Variants in NUDCD3 observed in about 807,000 individuals in gnomAD.
The protein encoded by NUDCD3 is NudC domain containing 3.
Under a neutral mutation model 39.7 loss-of-function variants are expected in NUDCD3, and 13 were observed. The observed-to-expected ratio is 0.33, with a 90% CI of 0.21 to 0.52. NUDCD3 has a LOEUF of 0.52. Ranked by LOEUF, NUDCD3 falls within the 20% of genes least tolerant of loss-of-function variation. The pLI, the probability that NUDCD3 is intolerant of heterozygous loss-of-function variation, is 0.96. For missense variants in NUDCD3, 453 were observed against 458.1 expected, an observed-to-expected ratio of 0.99 and a Z score of 0.10; for synonymous variants, 175 against 172.4, an observed-to-expected ratio of 1.02 and a Z score of -0.12.
At chr7:44,458,449 C>A (rs536176483) in intron 2 of NUDCD3, among the ~76,000 whole-genome samples, 2 of 152,130 alleles carry the variant, frequency 1.3e-5, no homozygotes, top group Admixed American at 6.5e-5. Flanking sequence ...CACCTGAGGT[C>A]AGAAGTTTGT....
At chr7:44,481,625 G>A (rs1033327169) in intron 2 of NUDCD3, among the ~76,000 whole-genome samples, 15 of 152,228 alleles carry the variant, frequency 9.9e-5, no homozygotes, top group African/African-American at 3.4e-4. Flanking sequence ...CATGTCAGTA[G>A]TCTTTAAAAG....
At chr7:44,454,266 G>A (rs1365266441) in intron 2 of NUDCD3, among the ~76,000 whole-genome samples, 1 of 152,192 alleles carries the variant, frequency 6.6e-6, no homozygotes, top group African/African-American at 2.4e-5. Context: ...ATGAACCCGT[G>A]AGGCGGAGCT....
chr7:44,487,099 C>A (rs1028696111), intron 1 of NUDCD3, among the ~76,000 whole-genome samples: 1 of 152,160 alleles, frequency 6.6e-6, no homozygotes, highest in African/African-American at 2.4e-5. Flanking sequence ...CCAAAAAAAA[C>A]AGCATTATCG....
chr7:44,432,039 T>A (rs1467251361), intron 2 of NUDCD3, among the ~76,000 whole-genome samples: 1 of 152,232 alleles, frequency 6.6e-6, no homozygotes, highest in East Asian at 1.9e-4. Context: ...TCTCAGCGAT[T>A]TGGGAGGCCA....
intron 4 of NUDCD3, among the ~76,000 whole-genome samples, chr7:44,394,867 T>C (rs1322044061): frequency 1.3e-5 from 2 of 152,166 alleles, no homozygotes; most frequent in Non-Finnish European, 2.9e-5. Context: ...AGGGTTTCAC[T>C]GGCCAGGTCC....
At chr7:44,476,261 C>T (rs948852116) in intron 2 of NUDCD3, among the ~76,000 whole-genome samples, 2 of 152,146 alleles carry the variant, frequency 1.3e-5, no homozygotes, top group Admixed American at 6.5e-5. Flanking sequence ...ACAGCCCACC[C>T]GAGGGACATC....
At chr7:44,433,335 T>C (rs1361416290) in intron 2 of NUDCD3, among the ~76,000 whole-genome samples, 1 of 152,192 alleles carries the variant, frequency 6.6e-6, no homozygotes, top group Admixed American at 6.5e-5. Context: ...ATGTGTGCAC[T>C]ATATGTGTGT....
intron 2 of NUDCD3, among the ~76,000 whole-genome samples, chr7:44,453,689 A>G (rs1403126487): frequency 6.6e-6 from 1 of 152,210 alleles, no homozygotes; most frequent in Non-Finnish European, 1.5e-5. Context: ...AGGTAGGCAC[A>G]CAGGAAAGGT....
rs138069366 is a variant in NUDCD3, at chr7:44,467,184, GAT to G, written c.509+17782_509+17783del. On this transcript the variant is annotated intron_variant, in intron 2 of 5. Transcript: ENST00000355451. ...CCCTACTGAAGAATGGGTCAATAAA[GAT>G]AGAAAAGTTATGACAGAAAAGGAGG... 8.0e-3 allele frequency among the ~76,000 whole-genome samples: 1,220 copies of G among 152,290 alleles called. 8 individuals carry two copies. Among genetic ancestry groups the G allele is most frequent in the African/African-American group, 0.027 (1,134 of 41,554 alleles).
chr7:44,465,530 TTCCTGC>T (rs1800100984), intron 2 of NUDCD3, among the ~76,000 whole-genome samples: 1 of 152,228 alleles, frequency 6.6e-6, no homozygotes, highest in Admixed American at 6.5e-5. Flanking sequence ...CTCTCTGCAC[TTCCTGC>T]TCAATTTTGC....
At chr7:44,426,579 G>A (rs1005445473) in intron 3 of NUDCD3, among the ~76,000 whole-genome samples, 4 of 152,088 alleles carry the variant, frequency 2.6e-5, no homozygotes, top group South Asian at 2.1e-4. Flanking sequence ...GGCGGATCAC[G>A]AGGTCAGGAG....
At chr7:44,409,968 A>C (rs1277803511) in intron 3 of NUDCD3, among the ~76,000 whole-genome samples, 2 of 152,192 alleles carry the variant, frequency 1.3e-5, no homozygotes, top group African/African-American at 4.8e-5. Flanking sequence ...ACTTGAAGAC[A>C]GGTCAATTGA....
intron 2 of NUDCD3, among the ~76,000 whole-genome samples, chr7:44,430,433 C>T (rs1233159370): frequency 6.6e-6 from 1 of 152,116 alleles, no homozygotes; most frequent in Non-Finnish European, 1.5e-5. Context: ...TCCAAAAGAA[C>T]AATAGGGTAG....
At chr7:44,386,818 T>C (rs1317825833) in intron 5 of NUDCD3, among the ~76,000 whole-genome samples, 1 of 152,172 alleles carries the variant, frequency 6.6e-6, no homozygotes, top group Non-Finnish European at 1.5e-5. Flanking sequence ...AGGCTCAGTG[T>C]GTGGCCATGG....
At chr7:44,416,803 G>A (rs1050071078) in intron 3 of NUDCD3, among the ~76,000 whole-genome samples, 5 of 152,160 alleles carry the variant, frequency 3.3e-5, no homozygotes, top group African/African-American at 1.2e-4. Context: ...CCTTCTCTGA[G>A]GTGAGAGAGA....
At chr7:44,482,364 C>A (rs1000779943) in intron 2 of NUDCD3, among the ~76,000 whole-genome samples, 1 of 152,158 alleles carries the variant, frequency 6.6e-6, no homozygotes, top group Admixed American at 6.5e-5. Context: ...CCCAAAAAGG[C>A]ATGTCTTAGA....
At chr7:44,475,004 C>T (rs1260642016) in intron 2 of NUDCD3, among the ~76,000 whole-genome samples, 3 of 152,156 alleles carry the variant, frequency 2.0e-5, no homozygotes, top group Non-Finnish European at 2.9e-5. Flanking sequence ...CCCTGGCTTT[C>T]TATTCATTAT....
At chr7:44,392,726 G>A (rs1016401370) in intron 4 of NUDCD3, among the ~76,000 whole-genome samples, 12 of 152,068 alleles carry the variant, frequency 7.9e-5, no homozygotes, top group African/African-American at 2.9e-4. Context: ...ATACCTGAGG[G>A]GACTGACATT....
At chr7:44,425,765 C>G (rs1290640881) in intron 3 of NUDCD3, 1 of 152,068 alleles carries the variant, frequency 6.6e-6, no homozygotes, top group East Asian at 1.9e-4. Context: ...ACTCAGGAGG[C>G]TAAGGTGGGA....
Sources: allele counts gnomAD v4.1 joint callset (sites outside exome capture counted in the v4.1 genomes callset), GRCh38; gene constraint gnomAD v4.1.1; transcripts MANE v1.5; gene names NCBI Gene and HGNC (gene_info 2026-07-23, HGNC 2026-07-21).